TUT4: variants seen among roughly 807,000 people sequenced by gnomAD.
TUT4 encodes the protein terminal uridylyl transferase 4, also known as terminal uridylyltransferase 4.
TUT4 carries 36 observed loss-of-function variants against 192.2 expected under a neutral mutation model. The observed-to-expected ratio is 0.19, with a 90% CI of 0.14 to 0.25. The LOEUF (loss-of-function observed/expected upper bound fraction) is 0.25, where lower values mean the gene tolerates loss of function less well. Ranked by LOEUF, TUT4 falls within the 10% of genes least tolerant of loss-of-function variation. The pLI is 1.00. For missense variants in TUT4, 1,493 were observed against 1,957.2 expected, an observed-to-expected ratio of 0.76 and a Z score of 4.47; for synonymous variants, 618 against 666.0, an observed-to-expected ratio of 0.93 and a Z score of 1.11.
chr1:52,528,955 CT>C (rs1682595837), intron 1 of TUT4, among the ~76,000 whole-genome samples: 1 of 152,172 alleles, frequency 6.6e-6, no homozygotes, highest in Admixed American at 6.5e-5. Flanking sequence ...TCAAGTGACC[CT>C]CCCATCTCAG....
At chr1:52,452,012 G>T (rs1182572770) in intron 20 of TUT4, among the ~76,000 whole-genome samples, 1 of 151,738 alleles carries the variant, frequency 6.6e-6, no homozygotes, top group Non-Finnish European at 1.5e-5. Context: ...ATTTAAGGAA[G>T]AAATTAAACC....
intron 9 of TUT4, among the ~76,000 whole-genome samples, chr1:52,484,838 G>T (rs1414898498): frequency 6.6e-6 from 1 of 152,188 alleles, no homozygotes; most frequent in African/African-American, 2.4e-5. Flanking sequence ...CTGTGCCTTG[G>T]AGAGTTTTCC....
chr1:52,528,160 C>G (rs1478551597), intron 1 of TUT4, among the ~76,000 whole-genome samples: 1 of 149,136 alleles, frequency 6.7e-6, no homozygotes, highest in Non-Finnish European at 1.5e-5. Flanking sequence ...GCCTGGGTGA[C>G]AGAGCAAGAC....
chr1:52,527,900 C>T (rs1489999824), intron 1 of TUT4, among the ~76,000 whole-genome samples: 1 of 152,014 alleles, frequency 6.6e-6, no homozygotes, highest in African/African-American at 2.4e-5. Flanking sequence ...TAATGTCAGC[C>T]AGGCATGGTG....
Position 52,438,183 on chromosome 1 carries a change from T to C in TUT4, c.3938+37A>G, listed in dbSNP as rs376550574. 75 of 1,544,624 alleles carry C rather than the reference T, an allele frequency of 4.9e-5. No homozygotes were observed. The African/African-American group carries it at 9.0e-4, about 19-fold the overall frequency. The stretch of plus-strand genomic sequence containing the variant: ...TAGCTACAAATTGGCCTCTCATTTA[T>C]TTTCCTCAAAATGTTGATATATATT... On this transcript the variant is annotated intron_variant, in intron 25 of 29. Coordinates refer to ENST00000257177, the MANE Select transcript of TUT4 (RefSeq NM_001009881.3).
At chr1:52,468,895 T>C (rs887073869) in intron 14 of TUT4, among the ~76,000 whole-genome samples, 4 of 152,328 alleles carry the variant, frequency 2.6e-5, no homozygotes, top group African/African-American at 9.6e-5. Context: ...TTTTTTTCCC[T>C]ATCTCTTCCA....
intron 3 of TUT4, among the ~76,000 whole-genome samples, chr1:52,512,234 A>G (rs1157924388): frequency 6.6e-6 from 1 of 152,246 alleles, no homozygotes; most frequent in Non-Finnish European, 1.5e-5. Context: ...TATTTATAAT[A>G]GAAAACTGCC....
chr1:52,512,654 ATATTT>A (rs1439901222), intron 3 of TUT4, among the ~76,000 whole-genome samples: 1 of 152,252 alleles, frequency 6.6e-6, no homozygotes, highest in African/African-American at 2.4e-5. Flanking sequence ...ACTGTTTATT[ATATTT>A]TATTCTACTG....
At chr1:52,502,572 T>C in intron 4 of TUT4, among the ~76,000 whole-genome samples, 1 of 151,448 alleles carries the variant, frequency 6.6e-6, no homozygotes, top group Middle Eastern at 3.4e-3. Flanking sequence ...CACAATCTAC[T>C]AGTCTGTGTT....
At chr1:52,478,079 T>G (rs994546888) in intron 11 of TUT4, among the ~76,000 whole-genome samples, 197 bp from the exon 12 acceptor site, 1 of 152,148 alleles carries the variant, frequency 6.6e-6, no homozygotes, top group African/African-American at 2.4e-5. Context: ...CTGCATTCTT[T>G]CCACTGAACC....
At chr1:52,473,998 C>G (rs1380112612) in intron 13 of TUT4, among the ~76,000 whole-genome samples, 1 of 152,146 alleles carries the variant, frequency 6.6e-6, no homozygotes. Flanking sequence ...CTTGAGCTCA[C>G]AAGTTCGAGA....
Position 52,423,906 on chromosome 1 carries a change from T to C in TUT4, c.*29A>G, listed in dbSNP as rs767989510. 5 of 1,608,744 alleles carry C rather than the reference T, an allele frequency of 3.1e-6. No homozygotes were observed. Among genetic ancestry groups the C allele is most frequent in the African/African-American group, 1.3e-5 (1 of 74,880 alleles). ...GGATTGGCTGGTTGCTGTGCATCGG[T>C]AGACCAGCTGAAAGAAAATGGACTC... On this transcript the variant is annotated 3_prime_UTR_variant, in exon 30 of 30. Coordinates refer to ENST00000257177, the MANE Select transcript of TUT4 (RefSeq NM_001009881.3).
Position 52,463,438 on chromosome 1 carries a change from G to A in TUT4, c.3069+1632C>T, listed in dbSNP as rs926097220. The A allele has an allele frequency of 2.0e-5, 20 of 1,024,030 alleles. No homozygotes were observed. In the African/African-American group the frequency reaches 2.9e-4, roughly 15 times the overall value. The allele number at this position is 1,024,030 out of a possible 1,614,324, so 63.4% of individuals were successfully genotyped here. On this transcript the variant is annotated intron_variant, in intron 16 of 29. Transcript: ENST00000257177. ...GCAACTTCTTATGGCCAGAAGTTAA[G>A]TCATCACTGCCATCTTTACTCCGGG...
intron 2 of TUT4, among the ~76,000 whole-genome samples, 179 bp from the exon 3 acceptor site, chr1:52,516,233 C>T (rs1232661355): frequency 6.6e-6 from 1 of 151,872 alleles, no homozygotes; most frequent in Admixed American, 6.6e-5. Flanking sequence ...ACATGGTATC[C>T]AAAGTCACAA....
At chr1:52,542,518 A>T (rs1039000103) in intron 1 of TUT4, among the ~76,000 whole-genome samples, 1 of 152,236 alleles carries the variant, frequency 6.6e-6, no homozygotes, top group Non-Finnish European at 1.5e-5. Context: ...TTAACCAAAC[A>T]AAACGAAAAA....
In TUT4 at chr1:52,482,283, C is replaced by T. The variant is rs537806183; in HGVS notation, c.1516-360G>A. On this transcript the variant is annotated intron_variant, in intron 9 of 29. Coordinates refer to ENST00000257177, the MANE Select transcript of TUT4 (RefSeq NM_001009881.3). ...CTTTTTCTATACTCATATACAAATACACATACATTTCTATTTCCTATATAG... is the reference window on the plus strand; with the variant it reads ...CTTTTTCTATACTCATATACAAATATACATACATTTCTATTTCCTATATAG... Among the ~76,000 whole-genome samples the T allele has an allele frequency of 1.4e-4, 21 of 152,196 alleles. No individual in the cohort carries two copies. In the East Asian group the frequency reaches 3.7e-3, roughly 27 times the overall value.
intron 22 of TUT4, 45 bp from the exon 23 acceptor site, chr1:52,446,049 C>A: frequency 6.5e-7 from 1 of 1,549,928 alleles, no homozygotes; most frequent in Admixed American, 1.9e-5. Context: ...ATTCACTGTA[C>A]CATAAAAATA....
At chr1:52,471,541 A>G (rs1015184745) in intron 14 of TUT4, among the ~76,000 whole-genome samples, 1 of 152,254 alleles carries the variant, frequency 6.6e-6, no homozygotes, top group African/African-American at 2.4e-5. Flanking sequence ...AGAACGCTGC[A>G]GTGATGAAAA....
In TUT4 at chr1:52,426,327, G is replaced by A. The variant is rs555545352; in HGVS notation, c.4712-820C>T. 3.3e-5 allele frequency among the ~76,000 whole-genome samples: 5 copies of A among 152,302 alleles called. No homozygotes were observed. The East Asian group carries it at 9.6e-4, about 29-fold the overall frequency. ...GCATATAGGTAGGTACTCAAAAAAT[G>A]TAAGTCCTATTCTTTTTATGGCTAA... is the stretch of plus-strand genomic sequence containing the variant. On this transcript the variant is annotated intron_variant, in intron 28 of 29. Coordinates refer to ENST00000257177, the MANE Select transcript of TUT4 (RefSeq NM_001009881.3).
Sources: allele counts gnomAD v4.1 joint callset (sites outside exome capture counted in the v4.1 genomes callset), GRCh38; gene constraint gnomAD v4.1.1; transcripts MANE v1.5; gene names NCBI Gene and HGNC (gene_info 2026-07-23, HGNC 2026-07-21).